Variants in FRMPD2 observed in about 807,000 individuals in gnomAD.
The protein encoded by FRMPD2 is FERM and PDZ domain containing 2.
FRMPD2 carries 96 observed loss-of-function variants against 140.1 expected under a neutral mutation model. That is an observed-to-expected ratio of 0.69 (90% confidence interval 0.58 to 0.81). The LOEUF (loss-of-function observed/expected upper bound fraction) is 0.81, where lower values mean the gene tolerates loss of function less well. Among genes scored for constraint, FRMPD2 ranks in the 40% least tolerant of loss-of-function variants. The pLI, the probability that FRMPD2 is intolerant of heterozygous loss-of-function variation, is 0.00. For missense variants in FRMPD2, 1,240 were observed against 1,447.4 expected, an observed-to-expected ratio of 0.86 and a Z score of 2.32; for synonymous variants, 449 against 547.6, an observed-to-expected ratio of 0.82 and a Z score of 2.52.
intron 12 of FRMPD2, among the ~76,000 whole-genome samples, chr10:48,219,089 T>TTGAGACGGATGTGCAGACATTATGGGA (rs1839519410): frequency 1.3e-5 from 2 of 152,038 alleles, no homozygotes; most frequent in African/African-American, 2.4e-5. Flanking sequence ...GTATATAAGG[T>TTGAGACGGATGTGCAGACATTATGGGA]TGAGACGGAT....
At chr10:48,259,888 A>C (rs1395177956) in intron 1 of FRMPD2, among the ~76,000 whole-genome samples, 1 of 152,148 alleles carries the variant, frequency 6.6e-6, no homozygotes, top group Non-Finnish European at 1.5e-5. Flanking sequence ...AGGTAAAGAC[A>C]AGAAGGGAGA....
At chr10:48,184,067 G>T (rs1342749481) in intron 20 of FRMPD2, among the ~76,000 whole-genome samples, 1 of 151,924 alleles carries the variant, frequency 6.6e-6, no homozygotes, top group Non-Finnish European at 1.5e-5. Context: ...CCTGTGACAC[G>T]AGTTTGCCTG....
intron 1 of FRMPD2, among the ~76,000 whole-genome samples, chr10:48,257,182 CT>C (rs771272537): frequency 0.016 from 2,271 of 144,086 alleles, 29 homozygotes; most frequent in Non-Finnish European, 0.018. Flanking sequence ...ATCTCCCAGT[CT>C]TTTTTTTTTT....
intron 1 of FRMPD2, among the ~76,000 whole-genome samples, chr10:48,257,472 G>T (rs1032137162): frequency 9.9e-5 from 15 of 151,944 alleles, no homozygotes; most frequent in Non-Finnish European, 8.8e-5. Context: ...TAGAGATGGG[G>T]TTTCGCCATG....
Position 48,241,185 on chromosome 10 carries a change from C to T in FRMPD2, c.568-693G>A, listed in dbSNP as rs1023808030. ...AGAGAGAAGGGGTCCAAGAAGGAGG[C>T]CTTCTCTGATGGCAGAGGCCTTCTC... is the stretch of plus-strand genomic sequence containing the variant. On this transcript the variant is annotated intron_variant, in intron 5 of 28. Transcript: ENST00000374201. 1.3e-4 allele frequency among the ~76,000 whole-genome samples: 20 copies of T among 152,246 alleles called. 1 individual carries two copies. Among genetic ancestry groups the T allele is most frequent in the African/African-American group, 4.8e-4 (20 of 41,550 alleles).
chr10:48,222,322 G>C lies in FRMPD2; in HGVS notation c.1446C>G (p.Tyr482Ter), dbSNP rs201157348. ...TGGTGTTCACCCCTACCTCCTTAGG[G>C]TAATTGCCAAACTCAGCCTGCAAGG... ...VLALQAEFGN[Y>*]PKEQVESKPY... is the part of the protein sequence containing the mutation. The change falls in exon 12 of 29, where the codon TAC becomes TAG. Residue 482 changes from tyrosine (Y) to a stop codon, truncating the protein, a stop_gained. Coordinates refer to ENST00000374201, the MANE Select transcript of FRMPD2 (RefSeq NM_001018071.4). LOFTEE classifies it high-confidence loss of function. 6.2e-7 allele frequency: 1 copy of C among 1,613,858 alleles called. No homozygotes were observed. Among genetic ancestry groups the C allele is most frequent in the Non-Finnish European group, 8.5e-7 (1 of 1,179,942 alleles).
At chr10:48,269,737 G>A (rs1840735733) in intron 1 of FRMPD2, among the ~76,000 whole-genome samples, 1 of 152,174 alleles carries the variant, frequency 6.6e-6, no homozygotes, top group Non-Finnish European at 1.5e-5. Context: ...TCCATCCAGA[G>A]CAGACCATTA....
At chr10:48,269,521 C>T (rs879445407) in intron 1 of FRMPD2, among the ~76,000 whole-genome samples, 4 of 152,158 alleles carry the variant, frequency 2.6e-5, no homozygotes, top group Admixed American at 6.6e-5. Context: ...TCCCCCTTCA[C>T]GGAGAGCATA....
Position 48,222,471 on chromosome 10 carries a change from A to G in FRMPD2, c.1317-20T>C. 1 of 1,612,986 alleles carries G rather than the reference A, an allele frequency of 6.2e-7. No homozygotes were observed. The highest frequency in any genetic ancestry group is 8.5e-7 in the Non-Finnish European group (1 of 1,179,432). On this transcript the variant is annotated intron_variant, in intron 11 of 28. Coordinates refer to ENST00000374201, the MANE Select transcript of FRMPD2 (RefSeq NM_001018071.4). ...CTGTGCCTGGAAAAGAAGTAGCAAT[A>G]AAAAGGGCTGGGTTGCTAAGGGAAA... is the stretch of plus-strand genomic sequence containing the variant.
Position 48,251,926 on chromosome 10 carries a change from A to G in FRMPD2, c.26-235T>C, listed in dbSNP as rs151149074. ...CTGGTCGGTTCTCAGTGAATGAGTA[A>G]ACAAACAATAAAACTCCCAAATGAA... On this transcript the variant is annotated intron_variant, in intron 1 of 28. Transcript: ENST00000374201. Among the ~76,000 whole-genome samples, 100 of 152,336 alleles carry G rather than the reference A, an allele frequency of 6.6e-4. 1 individual carries two copies. The East Asian group carries it at 0.017, about 26-fold the overall frequency.
intron 1 of FRMPD2, among the ~76,000 whole-genome samples, chr10:48,273,835 T>C (rs145148570): frequency 2.5e-4 from 38 of 151,960 alleles, no homozygotes; most frequent in African/African-American, 8.7e-4. Context: ...AATCACAGGA[T>C]TTAGCCAGGA....
intron 10 of FRMPD2, among the ~76,000 whole-genome samples, chr10:48,227,225 CT>C (rs372131698): frequency 1.9e-4 from 29 of 151,700 alleles, no homozygotes; most frequent in East Asian, 9.7e-4. Flanking sequence ...AGAAATCGCT[CT>C]TTTTTTTTGT....
At chr10:48,222,849 T>C (rs1465935493) in intron 11 of FRMPD2, among the ~76,000 whole-genome samples, 2 of 152,132 alleles carry the variant, frequency 1.3e-5, no homozygotes, top group Non-Finnish European at 2.9e-5. Context: ...AGGGGGCATT[T>C]TGGGGTCACA....
In FRMPD2 at chr10:48,251,577, T is replaced by A. The variant is rs1840383104; in HGVS notation, c.140A>T (p.Asp47Val). Residue 47 changes from aspartate to valine, a missense_variant, in exon 2 of 29, where the codon GAC becomes GTC. Asp to Val is a radical substitution (Grantham distance 152, BLOSUM62 -3). Around this residue, in one of 6 missense-constraint regions of FRMPD2, gnomAD observed 1,161 missense variants for 1,055.9 expected, o/e 1.10. Coordinates refer to ENST00000374201, the MANE Select transcript of FRMPD2 (RefSeq NM_001018071.4). ...AAACACTCTCTTACCGTTGCGGAGG[T>A]CTTCCAGGAGCTGCTCAGCGGCCAG... ...LFLAAEQLLE[D>V]LRNDSSDYVV... is the part of the protein sequence containing the mutation. The A allele has an allele frequency of 6.2e-7, 1 of 1,614,134 alleles. No individual in the cohort carries two copies. The highest frequency in any genetic ancestry group is 8.5e-7 in the Non-Finnish European group (1 of 1,180,012).
At chr10:48,259,760 T>C (rs1840548467) in intron 1 of FRMPD2, among the ~76,000 whole-genome samples, 1 of 151,924 alleles carries the variant, frequency 6.6e-6, no homozygotes, top group Admixed American at 6.6e-5. Context: ...ATAGAGCAAG[T>C]ACATACCCTT....
chr10:48,187,147 G>A (rs761649143), intron 17 of FRMPD2, 45 bp downstream of exon 17: 58 of 1,360,760 alleles, frequency 4.3e-5, no homozygotes, highest in Admixed American at 1.5e-4. Flanking sequence ...AGCTTCCTGC[G>A]TAGGGGTTCC....
At chr10:48,223,303 A>G in intron 10 of FRMPD2, 33 bp from the exon 11 acceptor site, 1 of 1,595,956 alleles carries the variant, frequency 6.3e-7, no homozygotes, top group South Asian at 1.1e-5. Context: ...GTGGAAGGAG[A>G]AGCAGTAGGG....
chr10:48,254,682 C>G (rs1415388626), intron 1 of FRMPD2, among the ~76,000 whole-genome samples: 2 of 152,238 alleles, frequency 1.3e-5, no homozygotes, highest in African/African-American at 2.4e-5. Context: ...TATGTGCTAA[C>G]TCATTTAAGC....
chr10:48,174,482 C>G (rs1838352866), intron 24 of FRMPD2, among the ~76,000 whole-genome samples: 1 of 152,070 alleles, frequency 6.6e-6, no homozygotes, highest in Admixed American at 6.5e-5. Flanking sequence ...TGGGGTCATC[C>G]TATGCAAACG....
Sources: gnomAD v4.1 joint callset for allele counts (sites outside exome capture counted in the v4.1 genomes callset) on GRCh38, gnomAD v4.1.1 for gene constraint, gnomAD v4.1.1 regional missense constraint, MANE v1.5 for transcripts, NCBI Gene and HGNC (gene_info 2026-07-23, HGNC 2026-07-21) for gene names.